Variants in RMDN2 observed in about 807,000 individuals in gnomAD.
RMDN2 encodes regulator of microtubule dynamics protein 2.
In RMDN2, 61 loss-of-function variants were observed where a neutral mutation model predicts 52.8. That is an observed-to-expected ratio of 1.16 (90% CI 0.94 to 1.43). The LOEUF (loss-of-function observed/expected upper bound fraction) is 1.43, where lower values mean the gene tolerates loss of function less well. Ranked by LOEUF, RMDN2 falls within the 40% of genes most tolerant of loss-of-function variation. The pLI, the probability that RMDN2 is intolerant of heterozygous loss-of-function variation, is 0.00. For missense variants in RMDN2, 592 were observed against 475.3 expected (o/e 1.25, Z -2.28); for synonymous variants, 180 against 153.1 (o/e 1.18, Z -1.30).
intron 5 of RMDN2, among the ~76,000 whole-genome samples, chr2:37,982,019 A>T (rs1214190343): frequency 6.6e-6 from 1 of 152,096 alleles, no homozygotes. Context: ...CTCCAGCAAT[A>T]CAGGTGCCCC....
At chr2:37,925,741 C>G (rs144913543) in intron 1 of RMDN2, among the ~76,000 whole-genome samples, 2 of 152,226 alleles carry the variant, frequency 1.3e-5, no homozygotes. Context: ...TGCCTCGGCC[C>G]GGCTGGTCCC....
intron 4 of RMDN2, among the ~76,000 whole-genome samples, chr2:37,980,066 G>A (rs977036613): frequency 6.6e-5 from 10 of 152,014 alleles, no homozygotes; most frequent in Non-Finnish European, 8.8e-5. Flanking sequence ...AAATAGAACC[G>A]TGGTTTTAGA....
Position 37,974,063 on chromosome 2 carries a change from CAGA to C in RMDN2, c.481_483del (p.Glu161del). On this transcript the variant is annotated inframe_deletion, in exon 3 of 11. Coordinates refer to ENST00000354545, the MANE Select transcript of RMDN2 (RefSeq NM_001170791.3). ...AGGTATATTACAGCTAATACTGACA[CAGA>C]AGAACAGAGTTTTCCAGTCCCTAAG... The C allele has an allele frequency of 2.5e-6, 4 of 1,610,288 alleles. No homozygotes were observed. Among genetic ancestry groups the C allele is most frequent in the Non-Finnish European group, 2.5e-6 (3 of 1,178,424 alleles).
chr2:37,952,207 C>T (rs755288736), intron 2 of RMDN2: 4 of 1,612,812 alleles, frequency 2.5e-6, no homozygotes, highest in South Asian at 2.2e-5. Context: ...ATAAGGTCAC[C>T]TCAGACTTTA....
chr2:37,950,655 G>A (rs983298041), intron 2 of RMDN2: 5 of 1,543,960 alleles, frequency 3.2e-6, no homozygotes, highest in East Asian at 2.2e-5. Context: ...ATTCATAAAC[G>A]AAGCTTTAGT....
At chr2:38,022,679 T>C (rs1040810817), downstream of RMDN2, among the ~76,000 whole-genome samples, 3 of 152,260 alleles carry the variant, frequency 2.0e-5, no homozygotes, top group African/African-American at 7.2e-5. Flanking sequence ...CGATGTTATC[T>C]TTCTTACTAA....
At chr2:37,963,360 C>T (rs188590067) in intron 2 of RMDN2, among the ~76,000 whole-genome samples, 8 of 130,912 alleles carry the variant, frequency 6.1e-5, no homozygotes, top group South Asian at 2.4e-4. Context: ...GGGTGTTTCT[C>T]GGAGAGGGGG....
intron 2 of RMDN2, among the ~76,000 whole-genome samples, chr2:37,936,215 A>C (rs1667273991): frequency 6.6e-6 from 1 of 152,216 alleles, no homozygotes; most frequent in South Asian, 2.1e-4. Context: ...GTGTCCCTGC[A>C]AAGGACATGA....
chr2:37,941,988 A>G (rs567028854), intron 2 of RMDN2, among the ~76,000 whole-genome samples: 2 of 152,070 alleles, frequency 1.3e-5, no homozygotes, highest in African/African-American at 2.4e-5. Context: ...TATCTGCCCA[A>G]ACAGCTGCCC....
Position 38,023,017 on chromosome 2 carries a change from T to A in RMDN2, c.1713+18801T>A, listed in dbSNP as rs117882636. On this transcript the variant is annotated intron_variant, in intron 10 of 10. Coordinates refer to the RMDN2 transcript ENST00000234195. ...ATTGATTGGAGTCCAGTGTGTCTGA[T>A]GTAGAATGGGGGCTCTAAGAATGGT... Among the ~76,000 whole-genome samples the A allele has an allele frequency of 7.9e-4, 120 of 152,342 alleles. 2 individuals carry two copies. In the East Asian group the frequency reaches 0.019, roughly 24 times the overall value.
Position 38,017,687 on chromosome 2 carries a change from T to C in RMDN2, c.*448T>C. On this transcript the variant is annotated 3_prime_UTR_variant, in exon 11 of 11. Transcript: ENST00000354545. ...GGAAAAACAAACAAATGTAGTATTG[T>C]AACTGGTAATCAAAAGATGTGAATA... 2.0e-6 allele frequency: 1 copy of C among 502,786 alleles called. No individual in the cohort carries two copies. Among genetic ancestry groups the C allele is most frequent in the South Asian group, 2.0e-5 (1 of 51,226 alleles). The allele number at this position is 502,786 out of a possible 1,614,324, so 31.1% of individuals were successfully genotyped here.
chr2:37,956,540 T>G (rs1163349545), intron 2 of RMDN2, among the ~76,000 whole-genome samples: 1 of 152,152 alleles, frequency 6.6e-6, no homozygotes, highest in African/African-American at 2.4e-5. Flanking sequence ...TGTTTATTTC[T>G]GATTTAATCT....
At chr2:37,982,044 T>A (rs1558507584) in intron 5 of RMDN2, among the ~76,000 whole-genome samples, 2 of 152,152 alleles carry the variant, frequency 1.3e-5, no homozygotes, top group Non-Finnish European at 2.9e-5. Flanking sequence ...AGTGGGAAGA[T>A]ACAATAATAA....
chr2:37,968,485 AT>A (rs1671380809), intron 2 of RMDN2, among the ~76,000 whole-genome samples: 1 of 149,540 alleles, frequency 6.7e-6, no homozygotes, highest in Non-Finnish European at 1.5e-5. Flanking sequence ...TGTTTACTTG[AT>A]GTTTTCATGG....
intron 10 of RMDN2, among the ~76,000 whole-genome samples, chr2:38,063,240 TA>T (rs1682129842): frequency 6.6e-6 from 1 of 152,180 alleles, no homozygotes; most frequent in South Asian, 2.1e-4. Flanking sequence ...ACCAACAGTG[TA>T]AAAGTGTTCC....
intron 10 of RMDN2, chr2:38,035,970 G>A (rs336034): frequency 0.16 from 24,417 of 151,770 alleles, 2,285 homozygotes; most frequent in Middle Eastern, 0.23. Context: ...TACCACAGCA[G>A]GGAAAGGTAT....
intron 10 of RMDN2, among the ~76,000 whole-genome samples, chr2:38,056,427 A>C (rs1363700586): frequency 6.6e-6 from 1 of 152,200 alleles, no homozygotes; most frequent in Non-Finnish European, 1.5e-5. Flanking sequence ...GTCTCCTCAA[A>C]CAGGAAATGA....
rs574701152 is a variant in RMDN2 at position 37,961,826 on chromosome 2, A to G, written c.453-12214A>G. 3.3e-5 allele frequency among the ~76,000 whole-genome samples: 5 copies of G among 152,250 alleles called. No homozygotes were observed. The East Asian group carries it at 9.7e-4, about 29-fold the overall frequency. ...CACTGGTTTTTCCTCATCTTCGTAGATTTATCTACCTTTGATCTTTGATGG... is the reference window on the plus strand; with the variant it reads ...CACTGGTTTTTCCTCATCTTCGTAGGTTTATCTACCTTTGATCTTTGATGG... On this transcript the variant is annotated intron_variant, in intron 2 of 10. Transcript: ENST00000354545.
At chr2:37,948,051 T>G (rs776684381) in intron 2 of RMDN2, among the ~76,000 whole-genome samples, 5 of 152,168 alleles carry the variant, frequency 3.3e-5, no homozygotes, top group Non-Finnish European at 5.9e-5. Context: ...GCCTTGACTC[T>G]GGGGGTCGTC....
Sources: allele counts gnomAD v4.1 joint callset (sites outside exome capture counted in the v4.1 genomes callset), GRCh38; gene constraint gnomAD v4.1.1; transcripts MANE v1.5; gene names NCBI Gene and HGNC (gene_info 2026-07-23, HGNC 2026-07-21).